VAC14: variants seen among roughly 807,000 people sequenced by gnomAD.
VAC14 encodes protein VAC14 homolog.
VAC14 carries 47 observed loss-of-function variants against 85.3 expected under a neutral mutation model. That is an observed-to-expected ratio of 0.55 (90% CI 0.44 to 0.70). VAC14 has a LOEUF of 0.70. Among genes scored for constraint, VAC14 ranks in the 30% least tolerant of loss-of-function variants. The pLI is 0.00. For synonymous variants in VAC14, 447 were observed against 430.5 expected, an observed-to-expected ratio of 1.04 and a Z score of -0.47; for missense variants, 861 against 1,004.3, an observed-to-expected ratio of 0.86 and a Z score of 1.93.
chr16:70,769,830 C>T (rs2143145358), intron 10 of VAC14: 1 of 152,388 alleles, frequency 6.6e-6, no homozygotes, highest in African/African-American at 2.4e-5. Flanking sequence ...CTAGACCTCC[C>T]CGACCTCCCC....
intron 14 of VAC14, among the ~76,000 whole-genome samples, chr16:70,729,050 C>T (rs113757302): frequency 1.3e-5 from 2 of 152,334 alleles, no homozygotes; most frequent in African/African-American, 4.8e-5. Context: ...TTCTGTCTCT[C>T]TGACACGGTG....
At chr16:70,690,718 G>A (rs1363097002) in intron 18 of VAC14, 2 of 985,458 alleles carry the variant, frequency 2.0e-6, no homozygotes, top group African/African-American at 1.7e-5. Flanking sequence ...GGCTGGGACT[G>A]TCCTCAGCTC....
At chr16:70,782,135 A>G (rs1303735778) in intron 7 of VAC14, 132 bp from the exon 8 acceptor site, 3 of 1,243,360 alleles carry the variant, frequency 2.4e-6, no homozygotes, top group African/African-American at 1.5e-5. Flanking sequence ...AGCCTCACCA[A>G]TGCTCTACTA....
chr16:70,786,488 CT>C (rs2034066853), intron 1 of VAC14, 123 bp from the exon 2 acceptor site: 1 of 1,326,932 alleles, frequency 7.5e-7, no homozygotes, highest in African/African-American at 1.5e-5. Flanking sequence ...AGACAGGCGT[CT>C]CAGGGCAGGT....
intron 9 of VAC14, chr16:70,772,592 G>C (rs2033298553): frequency 6.4e-6 from 1 of 156,898 alleles, no homozygotes; most frequent in African/African-American, 2.4e-5. Flanking sequence ...TGATGAGAAT[G>C]TGGAGAAACT....
In VAC14 at chr16:70,744,666, C is replaced by T. The variant is rs1483495151; in HGVS notation, c.1372-87G>A. 3 of 1,473,036 alleles carry T rather than the reference C, an allele frequency of 2.0e-6. No homozygotes were observed. In the Admixed American group the frequency reaches 7.1e-5, roughly 35 times the overall value. The allele number at this position is 1,473,036 out of a possible 1,614,324, so 91.2% of individuals were successfully genotyped here. A position where few individuals can be genotyped will look rare whatever the true frequency, so the allele number is the denominator to read the frequency against. ...AGAGGTGCGGTTGGTGGCACACAGC[C>T]ACCTGCAGGGGTGGGAGGGGTCTGC... On this transcript the variant is annotated intron_variant, in intron 12 of 18. Coordinates refer to ENST00000261776, the MANE Select transcript of VAC14 (RefSeq NM_018052.5).
intron 14 of VAC14, among the ~76,000 whole-genome samples, chr16:70,711,344 G>C (rs1390554871): frequency 6.6e-6 from 1 of 152,202 alleles, no homozygotes; most frequent in African/African-American, 2.4e-5. Context: ...CTGAGAGGAT[G>C]GGTGGCAGCA....
chr16:70,792,093 T>C (rs1194409640), intron 1 of VAC14, among the ~76,000 whole-genome samples: 3 of 152,064 alleles, frequency 2.0e-5, no homozygotes, highest in Non-Finnish European at 4.4e-5. Flanking sequence ...GAAGGACAGG[T>C]GAAGGCGTCC....
At chr16:70,694,190 T>C (rs1178705302) in intron 17 of VAC14, among the ~76,000 whole-genome samples, 1 of 152,214 alleles carries the variant, frequency 6.6e-6, no homozygotes, top group African/African-American at 2.4e-5. Flanking sequence ...GAGAAGGTGC[T>C]TGGAGTTCCT....
intron 15 of VAC14, 126 bp downstream of exon 15, chr16:70,698,511 A>C: frequency 8.7e-7 from 1 of 1,144,406 alleles, no homozygotes; most frequent in Non-Finnish European, 1.2e-6. Flanking sequence ...GACCAGGGGA[A>C]GTCTCGATTT....
At chr16:70,738,170 G>C (rs897572094) in intron 13 of VAC14, among the ~76,000 whole-genome samples, 1 of 152,216 alleles carries the variant, frequency 6.6e-6, no homozygotes, top group African/African-American at 2.4e-5. Context: ...GTGGGGAAGG[G>C]GCAGTTTCCC....
chr16:70,781,637 G>A (rs943114709), intron 8 of VAC14, among the ~76,000 whole-genome samples: 2 of 152,164 alleles, frequency 1.3e-5, no homozygotes, highest in Non-Finnish European at 2.9e-5. Flanking sequence ...GGGCCCCAGA[G>A]AGCTGCTCCA....
rs371336240 is a variant in VAC14, at chr16:70,697,162, G to A, written c.1932C>T (p.His644=). ...ACAACTTCTGGATGAGGTCATAGGC[G>A]TGCCGGTAGTTCTGGGTGAGGAAGC... ...SLCFLTQNYR[H]AYDLIQKFGD... is the part of the protein sequence containing the mutation. The change falls in exon 16 of 19, where the codon CAC becomes CAT. Residue 644 remains histidine (H), a synonymous_variant. Transcript: ENST00000261776. 1.9e-5 allele frequency: 31 copies of A among 1,613,696 alleles called. No homozygotes were observed. The highest frequency in any genetic ancestry group is 5.0e-5 in the Admixed American group (3 of 59,990).
intron 14 of VAC14, among the ~76,000 whole-genome samples, chr16:70,719,259 CG>C (rs1398883521): frequency 6.6e-6 from 1 of 152,156 alleles, no homozygotes; most frequent in Non-Finnish European, 1.5e-5. Flanking sequence ...ACTGGGAATG[CG>C]GAACAATCAT....
intron 12 of VAC14, among the ~76,000 whole-genome samples, chr16:70,753,097 C>G (rs1396218348): frequency 1.3e-5 from 2 of 151,870 alleles, no homozygotes; most frequent in Non-Finnish European, 1.5e-5. Flanking sequence ...TAAGTGAGAT[C>G]TGGCCCAAGT....
At chr16:70,709,431 C>T (rs1003867664) in intron 14 of VAC14, among the ~76,000 whole-genome samples, 12 of 152,186 alleles carry the variant, frequency 7.9e-5, no homozygotes, top group South Asian at 2.1e-4. Flanking sequence ...CCTGTGGCTC[C>T]GGGGCAGCAT....
At chr16:70,700,742 C>T (rs2053809411) in intron 14 of VAC14, among the ~76,000 whole-genome samples, 1 of 152,224 alleles carries the variant, frequency 6.6e-6, no homozygotes, top group Admixed American at 6.5e-5. Flanking sequence ...GCCCTGTCTC[C>T]ATGGCTGTGG....
At chr16:70,688,194 C>T (rs998008580) in intron 18 of VAC14, 104 bp from the exon 19 acceptor site, 8 of 1,354,078 alleles carry the variant, frequency 5.9e-6, no homozygotes, top group African/African-American at 4.5e-5. Context: ...CTGGTGGGCT[C>T]GGCCTGTGGG....
intron 14 of VAC14, among the ~76,000 whole-genome samples, chr16:70,707,906 T>C (rs1567528654): frequency 6.6e-6 from 1 of 151,926 alleles, no homozygotes; most frequent in Non-Finnish European, 1.5e-5. Flanking sequence ...TTCTCCTGCC[T>C]CAGCCTCCTG....
Sources: allele counts gnomAD v4.1 joint callset (sites outside exome capture counted in the v4.1 genomes callset), GRCh38; gene constraint gnomAD v4.1.1; transcripts MANE v1.5; gene names NCBI Gene and HGNC (gene_info 2026-07-23, HGNC 2026-07-21).